TUT4: variants seen among roughly 807,000 people sequenced by gnomAD.
The protein encoded by TUT4 is terminal uridylyl transferase 4.
In TUT4, 36 loss-of-function variants were observed where a neutral mutation model predicts 192.2. That is an observed-to-expected ratio of 0.19 (90% CI 0.14 to 0.25). TUT4 has a LOEUF of 0.25. TUT4 is among the 10% of genes least tolerant of loss of function. The pLI, the probability that TUT4 is intolerant of heterozygous loss-of-function variation, is 1.00. For synonymous variants in TUT4, 618 were observed against 666.0 expected (o/e 0.93, Z 1.11); for missense variants, 1,493 against 1,957.2 (o/e 0.76, Z 4.47).
intron 2 of TUT4, among the ~76,000 whole-genome samples, chr1:52,519,831 T>C (rs536868572): frequency 7.9e-5 from 12 of 151,748 alleles, no homozygotes; most frequent in Non-Finnish European, 1.2e-4. Context: ...ATTTTTTAAA[T>C]AAAAAAAATT....
chr1:52,459,408 G>T (rs933711755), intron 19 of TUT4, among the ~76,000 whole-genome samples: 1 of 152,110 alleles, frequency 6.6e-6, no homozygotes, highest in African/African-American at 2.4e-5. Context: ...GGGCAACATG[G>T]CGAAACCCCA....
intron 20 of TUT4, among the ~76,000 whole-genome samples, chr1:52,447,779 C>G (rs996078019): frequency 1.3e-5 from 2 of 152,132 alleles, no homozygotes; most frequent in African/African-American, 2.4e-5. Context: ...CAATCATCTC[C>G]CTAAGTGCTC....
intron 1 of TUT4, among the ~76,000 whole-genome samples, chr1:52,552,530 A>C (rs1437313603): frequency 6.6e-6 from 1 of 152,206 alleles, no homozygotes; most frequent in Non-Finnish European, 1.5e-5. Context: ...GTGAAAGAAA[A>C]AGGTACACAT....
intron 16 of TUT4, chr1:52,463,794 G>C (rs1404979627): frequency 4.6e-6 from 6 of 1,304,110 alleles, no homozygotes; most frequent in Non-Finnish European, 6.1e-6. Flanking sequence ...TACAAAAAAG[G>C]AAAGCGTAAG....
chr1:52,539,242 G>A (rs949981071), intron 1 of TUT4, among the ~76,000 whole-genome samples: 3 of 152,174 alleles, frequency 2.0e-5, no homozygotes, highest in Admixed American at 6.5e-5. Context: ...AAGGAAAGTA[G>A]AGTTGAATAT....
intron 4 of TUT4, among the ~76,000 whole-genome samples, chr1:52,507,218 G>C (rs1675850976): frequency 6.6e-6 from 1 of 152,206 alleles, no homozygotes; most frequent in Admixed American, 6.5e-5. Context: ...AATACTTTAA[G>C]AGGATCATCC....
chr1:52,451,157 T>C (rs1449524159), intron 20 of TUT4, among the ~76,000 whole-genome samples: 1 of 151,586 alleles, frequency 6.6e-6, no homozygotes, highest in African/African-American at 2.4e-5. Context: ...TCCCAGCTAC[T>C]CGGGAGGCTG....
chr1:52,434,221 A>G (rs1267883081), intron 27 of TUT4: 2 of 152,224 alleles, frequency 1.3e-5, no homozygotes, highest in Non-Finnish European at 2.9e-5. Context: ...GATTCTCCCT[A>G]ATACTCTTCA....
rs1485397371 is a variant in TUT4 at position 52,481,798 on chromosome 1, G to A, written c.1635+6C>T. On this transcript the variant is annotated splice_donor_region_variant and intron_variant, in intron 10 of 29. Transcript: ENST00000257177. ...ATGCATATATATGTCACAAATTCAT[G>A]CTTACCCAACTTCCAAGTAAGCAAG... 7 of 1,578,532 alleles carry A rather than the reference G, an allele frequency of 4.4e-6. No individual in the cohort carries two copies. The highest frequency in any genetic ancestry group is 1.4e-5 in the African/African-American group (1 of 72,846).
chr1:52,451,780 T>C (rs184376901), intron 20 of TUT4, among the ~76,000 whole-genome samples: 1 of 151,406 alleles, frequency 6.6e-6, no homozygotes, highest in East Asian at 2.0e-4. Context: ...GAGGCGGAGA[T>C]TGCAGTGAGC....
intron 15 of TUT4, among the ~76,000 whole-genome samples, chr1:52,465,851 G>T (rs1489496767): frequency 6.6e-6 from 1 of 151,866 alleles, no homozygotes; most frequent in Non-Finnish European, 1.5e-5. Flanking sequence ...TGGTTTAACA[G>T]AATTGGATTT....
Position 52,481,654 on chromosome 1 carries a change from C to T in TUT4, c.1636-19G>A, listed in dbSNP as rs775689902. On this transcript the variant is annotated intron_variant, in intron 10 of 29. Coordinates refer to ENST00000257177, the MANE Select transcript of TUT4 (RefSeq NM_001009881.3). ...CTTCAATCTATATAAAAAGGCATTC[C>T]AAATTGGTAGTGGAAAAATTATTTA... The T allele has an allele frequency of 1.3e-6, 2 of 1,541,956 alleles. No homozygotes were observed. Among genetic ancestry groups the T allele is most frequent in the Non-Finnish European group, 1.7e-6 (2 of 1,146,072 alleles).
At chr1:52,427,696 T>G (rs1650445963) in intron 28 of TUT4, among the ~76,000 whole-genome samples, 1 of 152,248 alleles carries the variant, frequency 6.6e-6, no homozygotes, top group Non-Finnish European at 1.5e-5. Flanking sequence ...TTACTTGCAT[T>G]GTTCCAAAAG....
intron 2 of TUT4, among the ~76,000 whole-genome samples, chr1:52,517,889 T>C (rs1679130808): frequency 6.6e-6 from 1 of 152,208 alleles, no homozygotes; most frequent in African/African-American, 2.4e-5. Flanking sequence ...TAACTGGCCT[T>C]GTGTGACAAG....
At chr1:52,492,746 G>C (rs2149102417) in intron 7 of TUT4, among the ~76,000 whole-genome samples, 1 of 152,284 alleles carries the variant, frequency 6.6e-6, no homozygotes. Flanking sequence ...AGCCTGGTTT[G>C]AGAATCTTGT....
chr1:52,489,158 A>T, intron 8 of TUT4, 123 bp from the exon 9 acceptor site: 1 of 936,022 alleles, frequency 1.1e-6, no homozygotes, highest in Non-Finnish European at 1.4e-6. Context: ...AAGCCCTAAT[A>T]AAAACAAATG....
At chr1:52,460,298 A>G (rs1159396807) in intron 19 of TUT4, among the ~76,000 whole-genome samples, 2 of 152,188 alleles carry the variant, frequency 1.3e-5, no homozygotes, top group Non-Finnish European at 2.9e-5. Context: ...CCTGGCCAAC[A>G]TGGTGAAACC....
At chr1:52,470,816 T>C (rs1302081436) in intron 14 of TUT4, among the ~76,000 whole-genome samples, 7 of 152,044 alleles carry the variant, frequency 4.6e-5, no homozygotes, top group Non-Finnish European at 8.8e-5. Context: ...TTATCTTACC[T>C]GGACACTGGA....
intron 1 of TUT4, among the ~76,000 whole-genome samples, chr1:52,544,998 A>C (rs1301615157): frequency 1.3e-5 from 2 of 150,920 alleles, no homozygotes; most frequent in African/African-American, 4.9e-5. Context: ...TCAAGGCTGC[A>C]CTGAGCCATG....
Sources: allele counts gnomAD v4.1 joint callset (sites outside exome capture counted in the v4.1 genomes callset), GRCh38; gene constraint gnomAD v4.1.1; transcripts MANE v1.5; gene names NCBI Gene and HGNC (gene_info 2026-07-23, HGNC 2026-07-21).